SORBS2: variants seen among roughly 807,000 people sequenced by gnomAD.
SORBS2 encodes the protein sorbin and SH3 domain-containing protein 2.
In SORBS2, 46 loss-of-function variants were observed where a neutral mutation model predicts 97.7. The observed-to-expected ratio is 0.47, with a 90% CI of 0.37 to 0.60. The LOEUF is 0.60. SORBS2 is among the 20% of genes least tolerant of loss of function. The pLI, the probability that SORBS2 is intolerant of heterozygous loss-of-function variation, is 0.00. For synonymous variants in SORBS2, 476 were observed against 473.4 expected (o/e 1.01, Z -0.07); for missense variants, 1,316 against 1,282.3 (o/e 1.03, Z -0.40).
intron 2 of SORBS2, among the ~76,000 whole-genome samples, chr4:185,737,718 A>T (rs1482053692): frequency 6.6e-6 from 1 of 152,178 alleles, no homozygotes; most frequent in Admixed American, 6.5e-5. Context: ...GAAGGCAAGG[A>T]CTTTCCCATT....
intron 1 of SORBS2, among the ~76,000 whole-genome samples, chr4:185,861,417 A>T (rs7654779): frequency 4.6e-5 from 7 of 151,788 alleles, no homozygotes; most frequent in Non-Finnish European, 7.4e-5. Flanking sequence ...ATGTGTTTTG[A>T]GTGCTTGAGA....
At chr4:185,748,609 T>C (rs927528870) in intron 2 of SORBS2, among the ~76,000 whole-genome samples, 59 of 152,222 alleles carry the variant, frequency 3.9e-4, no homozygotes, top group Admixed American at 3.4e-3. Context: ...AGATGGTGTG[T>C]TACGGATTTT....
At chr4:185,605,670 C>A (rs1468209263) in intron 12 of SORBS2, among the ~76,000 whole-genome samples, 1 of 151,812 alleles carries the variant, frequency 6.6e-6, no homozygotes, top group Admixed American at 6.6e-5. Context: ...TTACAACCTC[C>A]TCCTCCCGGG....
chr4:185,887,373 A>G (rs899196493), intron 1 of SORBS2, among the ~76,000 whole-genome samples: 3 of 152,218 alleles, frequency 2.0e-5, no homozygotes, highest in Non-Finnish European at 4.4e-5. Flanking sequence ...CGAAACTGTT[A>G]TAAAGATTTG....
At chr4:185,664,000 GC>G (rs948828921) in intron 4 of SORBS2, among the ~76,000 whole-genome samples, 3 of 151,580 alleles carry the variant, frequency 2.0e-5, no homozygotes, top group African/African-American at 7.3e-5. Context: ...GACTACAGGC[GC>G]CCACCACCAC....
At chr4:185,811,412 T>C (rs1566347) in intron 1 of SORBS2, among the ~76,000 whole-genome samples, 104,975 of 152,042 alleles carry the variant, frequency 0.69, 36,289 homozygotes, top group Middle Eastern at 0.84. Flanking sequence ...GCTCAAACAG[T>C]AAATATTGGT....
At chr4:185,767,418 T>G (rs1298705383) in intron 2 of SORBS2, among the ~76,000 whole-genome samples, 3 of 134,308 alleles carry the variant, frequency 2.2e-5, no homozygotes, top group Non-Finnish European at 3.1e-5. Context: ...GGGAATGGCG[T>G]GAACCCGGGA....
chr4:185,940,700 C>T (rs1454646224), intron 1 of SORBS2, among the ~76,000 whole-genome samples: 1 of 152,210 alleles, frequency 6.6e-6, no homozygotes, highest in Non-Finnish European at 1.5e-5. Context: ...CCAACTTGTT[C>T]CAGCCTAGGT....
intron 1 of SORBS2, among the ~76,000 whole-genome samples, chr4:185,891,532 C>G (rs1187764813): frequency 6.6e-6 from 1 of 152,222 alleles, no homozygotes; most frequent in Non-Finnish European, 1.5e-5. Flanking sequence ...CTATTGTGTA[C>G]TAGAACCTAA....
intron 1 of SORBS2, among the ~76,000 whole-genome samples, chr4:185,930,056 G>C (rs1039776203): frequency 6.6e-6 from 1 of 152,152 alleles, no homozygotes; most frequent in African/African-American, 2.4e-5. Flanking sequence ...TGGCACACAC[G>C]AGGGCAGAAC....
At chr4:185,818,181 T>C (rs1356722666) in intron 1 of SORBS2, among the ~76,000 whole-genome samples, 1 of 152,158 alleles carries the variant, frequency 6.6e-6, no homozygotes. Flanking sequence ...ATTCAGTGCC[T>C]ATGTGTTTGT....
At position 185,950,234 on chromosome 4, in the gene SORBS2, G is replaced by A. The variant is rs148162151; in HGVS notation, c.-338+5962C>T. Among the ~76,000 whole-genome samples the A allele has an allele frequency of 6.2e-3, 833 of 134,496 alleles. 49 individuals carry two copies. The East Asian group carries it at 0.14, about 22-fold the overall frequency. The allele number at this position is 134,496 out of a possible 152,430, so 88.2% of individuals were successfully genotyped here. A position where few individuals can be genotyped will look rare whatever the true frequency, so the allele number is the denominator to read the frequency against. On this transcript the variant is annotated intron_variant, in intron 1 of 20. Transcript: ENST00000284776. ...GCCATTGCACTCCACCCTGGGCAAC[G>A]AGCAAGACTGTCTCAAAAAAAAAAA... is the stretch of plus-strand genomic sequence containing the variant.
At chr4:185,936,959 G>C (rs186858957) in intron 1 of SORBS2, among the ~76,000 whole-genome samples, 1 of 152,328 alleles carries the variant, frequency 6.6e-6, no homozygotes, top group African/African-American at 2.4e-5. Flanking sequence ...CAGCTTCTTA[G>C]ACAGTAAGAG....
At chr4:185,723,470 C>T (rs1041954682) in intron 2 of SORBS2, among the ~76,000 whole-genome samples, 42 of 152,290 alleles carry the variant, frequency 2.8e-4, no homozygotes, top group African/African-American at 9.6e-4. Context: ...GAAAATAATT[C>T]AGAGGCTCTA....
chr4:185,889,389 C>A (rs555734570), intron 1 of SORBS2, among the ~76,000 whole-genome samples: 4 of 152,122 alleles, frequency 2.6e-5, no homozygotes, highest in Admixed American at 6.5e-5. Context: ...TCCGATGCCT[C>A]ACCATTCACG....
chr4:185,866,965 A>C (rs955635118), intron 1 of SORBS2, among the ~76,000 whole-genome samples: 1 of 152,196 alleles, frequency 6.6e-6, no homozygotes, highest in Non-Finnish European at 1.5e-5. Context: ...TTCAGGAGTA[A>C]CGCAATGTAT....
intron 1 of SORBS2, among the ~76,000 whole-genome samples, chr4:185,950,546 C>T (rs188748347): frequency 5.9e-5 from 9 of 152,288 alleles, no homozygotes; most frequent in Non-Finnish European, 1.2e-4. Context: ...ATTCTTTATT[C>T]AAATATTTCC....
intron 1 of SORBS2, among the ~76,000 whole-genome samples, chr4:185,891,332 G>C (rs185982426): frequency 7.2e-5 from 11 of 152,054 alleles, no homozygotes; most frequent in Admixed American, 4.6e-4. Flanking sequence ...CCTCCAAACC[G>C]CCTTTAGTCA....
At chr4:185,595,555 T>C (rs970060416) in intron 12 of SORBS2, among the ~76,000 whole-genome samples, 5 of 152,174 alleles carry the variant, frequency 3.3e-5, no homozygotes, top group African/African-American at 1.2e-4. Flanking sequence ...AAACTTTATA[T>C]ATGTATAAAA....
Sources: gnomAD v4.1 joint callset for allele counts (sites outside exome capture counted in the v4.1 genomes callset) on GRCh38, gnomAD v4.1.1 for gene constraint, MANE v1.5 for transcripts, NCBI Gene and HGNC (gene_info 2026-07-23, HGNC 2026-07-21) for gene names.